Variants in PCDHA6 observed in about 807,000 individuals in gnomAD.
The protein encoded by PCDHA6 is protocadherin alpha-6.
In PCDHA6, 55 loss-of-function variants were observed where a neutral mutation model predicts 60.3. That is an observed-to-expected ratio of 0.91 (90% confidence interval 0.73 to 1.14). The LOEUF (loss-of-function observed/expected upper bound fraction) is 1.14. PCDHA6 is among the 50% of genes most tolerant of loss of function. PCDHA6 has a pLI of 0.00. For synonymous variants in PCDHA6, 652 were observed against 557.9 expected (o/e 1.17, Z -2.38); for missense variants, 1,327 against 1,256.5 (o/e 1.06, Z -0.85).
intron 1 of PCDHA6, among the ~76,000 whole-genome samples, chr5:140,920,419 T>C (rs1282192714): frequency 6.6e-6 from 1 of 152,232 alleles, no homozygotes. Flanking sequence ...GATACAGCTG[T>C]TCTCCCACAC....
intron 1 of PCDHA6, chr5:140,967,309 A>G (rs782218334): frequency 6.2e-7 from 1 of 1,611,224 alleles, no homozygotes; most frequent in East Asian, 2.2e-5. Context: ...GCGCCAACTC[A>G]GTACAGACCT....
In PCDHA6 at chr5:141,009,724, T is replaced by A. The variant is rs1554262325; in HGVS notation, c.2640T>A (p.Gly880=). The change falls in exon 4 of 4, where the codon GGT becomes GGA. Residue 880 remains glycine (G), a synonymous_variant. Transcript: ENST00000529310. ...KYGPGNPKQS[G]PGELPDKFII... is the part of the protein sequence containing the mutation. ...GACCAGGCAACCCCAAACAATCCGG[T>A]CCCGGTGAGTTGCCCGACAAATTCA... 6.2e-7 allele frequency: 1 copy of A among 1,614,116 alleles called. No individual in the cohort carries two copies. The highest frequency in any genetic ancestry group is 2.2e-5 in the East Asian group (1 of 44,868).
chr5:140,861,804 T>C (rs36095340), intron 1 of PCDHA6: 19,400 of 158,354 alleles, frequency 0.12, 1,289 homozygotes, highest in Middle Eastern at 0.19. Flanking sequence ...AGGTGTATTT[T>C]AAAAATTCTT....
intron 1 of PCDHA6, chr5:140,882,238 G>T: frequency 6.3e-7 from 1 of 1,583,494 alleles, no homozygotes; most frequent in Non-Finnish European, 8.6e-7. Context: ...TGTATATATT[G>T]CAGATAGCTC....
intron 1 of PCDHA6, among the ~76,000 whole-genome samples, chr5:140,888,041 A>G (rs571709864): frequency 2.0e-5 from 3 of 152,296 alleles, no homozygotes; most frequent in South Asian, 4.1e-4. Context: ...TAGTACATGT[A>G]TAATAGATGT....
chr5:140,968,614 A>G, intron 1 of PCDHA6: 5 of 1,614,142 alleles, frequency 3.1e-6, no homozygotes, highest in Non-Finnish European at 4.2e-6. Flanking sequence ...ACTCTGGGCA[A>G]AATGCTTGGC....
chr5:140,848,144 G>T, intron 1 of PCDHA6: 2 of 202,506 alleles, frequency 9.9e-6, no homozygotes, highest in Non-Finnish European at 1.0e-5. Flanking sequence ...ACTTTTAGAG[G>T]CAGTCAGTCT....
chr5:140,968,307 A>G (rs1554230602), intron 1 of PCDHA6: 1 of 1,613,964 alleles, frequency 6.2e-7, no homozygotes, highest in South Asian at 1.1e-5. Context: ...AGGGAGATTC[A>G]AGGGCTGCCA....
chr5:140,847,731 T>C lies in PCDHA6; in HGVS notation c.2394+17246T>C, dbSNP rs1031856254. ...GTATAAATGCTACAAAAGAGAAAAA[T>C]ATATTTTCTCCCCACGCAACACAAG... On this transcript the variant is annotated intron_variant, in intron 1 of 3. Coordinates refer to ENST00000529310, the MANE Select transcript of PCDHA6 (RefSeq NM_018909.4). 2.7e-5 allele frequency: 4 copies of C among 149,230 alleles called. No homozygotes were observed. The East Asian group carries it at 7.8e-4, about 29-fold the overall frequency. The allele number at this position is 149,230 out of a possible 1,614,324, so 9.2% of individuals were successfully genotyped here. A position where few individuals can be genotyped will look rare whatever the true frequency, so the allele number is the denominator to read the frequency against.
intron 1 of PCDHA6, among the ~76,000 whole-genome samples, chr5:140,957,344 G>A (rs994510401): frequency 5.9e-5 from 9 of 152,114 alleles, no homozygotes; most frequent in Non-Finnish European, 1.2e-4. Context: ...TATTTTGAGA[G>A]AGAGACCACA....
intron 1 of PCDHA6, chr5:140,926,711 C>T: frequency 1.1e-6 from 1 of 925,094 alleles, no homozygotes; most frequent in Non-Finnish European, 1.5e-6. Context: ...AGCTGGCCAG[C>T]CCCGGCAATG....
intron 1 of PCDHA6, chr5:140,849,490 G>A: frequency 6.3e-7 from 1 of 1,592,564 alleles, no homozygotes; most frequent in African/African-American, 1.4e-5. Context: ...CCCCTGGCTG[G>A]TCATTGTACA....
At chr5:140,892,120 A>G (rs1242162429) in intron 1 of PCDHA6, among the ~76,000 whole-genome samples, 1 of 152,216 alleles carries the variant, frequency 6.6e-6, no homozygotes, top group Non-Finnish European at 1.5e-5. Context: ...TATATCTGGA[A>G]CACAATAAGC....
intron 3 of PCDHA6, among the ~76,000 whole-genome samples, chr5:141,002,568 C>T (rs1554258737): frequency 6.6e-6 from 1 of 152,182 alleles, no homozygotes; most frequent in Admixed American, 6.5e-5. Context: ...AGTTAGTGAC[C>T]ATGTGACCAT....
At chr5:140,962,759 G>A (rs1554226222) in intron 1 of PCDHA6, among the ~76,000 whole-genome samples, 1 of 152,114 alleles carries the variant, frequency 6.6e-6, no homozygotes, top group Admixed American at 6.5e-5. Flanking sequence ...AATCCTATTC[G>A]TTTTTAACAA....
chr5:140,941,942 T>C (rs2093203170), intron 1 of PCDHA6, among the ~76,000 whole-genome samples: 1 of 152,234 alleles, frequency 6.6e-6, no homozygotes, highest in African/African-American at 2.4e-5. Flanking sequence ...GAATTACTTT[T>C]GTTTTGAAAA....
chr5:140,887,140 A>T (rs1414836088), intron 1 of PCDHA6, among the ~76,000 whole-genome samples: 3 of 150,560 alleles, frequency 2.0e-5, no homozygotes, highest in Non-Finnish European at 4.4e-5. Context: ...TCTGTCGCCC[A>T]GGCTGGAGTA....
At chr5:140,857,712 T>C (rs781941638) in intron 1 of PCDHA6, 3 of 1,597,298 alleles carry the variant, frequency 1.9e-6, no homozygotes, top group Admixed American at 1.7e-5. Context: ...GTGTTCGTGC[T>C]GGACGAGAAC....
intron 1 of PCDHA6, among the ~76,000 whole-genome samples, chr5:140,917,561 C>T (rs1286710001): frequency 6.6e-6 from 1 of 152,214 alleles, no homozygotes; most frequent in Non-Finnish European, 1.5e-5. Flanking sequence ...ACTCTTTAAT[C>T]CATCTCAGGC....
Sources: allele counts gnomAD v4.1 joint callset (sites outside exome capture counted in the v4.1 genomes callset), GRCh38; gene constraint gnomAD v4.1.1; transcripts MANE v1.5; gene names NCBI Gene and HGNC (gene_info 2026-07-23, HGNC 2026-07-21).